The following EPB41L4A variants were observed in gnomAD, a reference collection of about 807,000 sequenced individuals.
EPB41L4A encodes the protein erythrocyte membrane protein band 4.1 like 4A, also known as band 4.1-like protein 4A.
In EPB41L4A, 100 loss-of-function variants were observed where a neutral mutation model predicts 108.6. The ratio of observed to expected loss-of-function variants is 0.92; its 90% confidence interval spans 0.78 to 1.09. The LOEUF is 1.09. Among genes scored for constraint, EPB41L4A ranks in the 50% least tolerant of loss-of-function variants. The pLI, the probability that EPB41L4A is intolerant of heterozygous loss-of-function variation, is 0.00. For synonymous variants in EPB41L4A, 319 were observed against 289.0 expected (o/e 1.10, Z -1.05); for missense variants, 1,030 against 842.7 (o/e 1.22, Z -2.75).
chr5:112,186,316 A>G (rs1561458699), intron 17 of EPB41L4A, among the ~76,000 whole-genome samples: 1 of 152,216 alleles, frequency 6.6e-6, no homozygotes, highest in East Asian at 1.9e-4. Flanking sequence ...AAGGAAGCAC[A>G]GTTACTGTAT....
chr5:112,248,659 C>T (rs552138586), intron 9 of EPB41L4A, among the ~76,000 whole-genome samples: 1 of 152,248 alleles, frequency 6.6e-6, no homozygotes, highest in African/African-American at 2.4e-5. Context: ...CAACCTAACT[C>T]CCTCTGGTCT....
rs182340383 is a variant in EPB41L4A, at chr5:112,374,216, A to G, written c.99+44725T>C. Among the ~76,000 whole-genome samples the G allele has an allele frequency of 1.3e-4, 20 of 152,358 alleles. No homozygotes were observed. In the East Asian group the frequency reaches 3.5e-3, roughly 26 times the overall value. On this transcript the variant is annotated intron_variant, in intron 1 of 22. Transcript: ENST00000261486. ...TATTACAAACCGTAGCCATGAAGAA[A>G]GGAGTTCATCTATGCTGACAGTGAT...
chr5:112,159,371 G>A (rs537124966), downstream of EPB41L4A, among the ~76,000 whole-genome samples: 1 of 152,290 alleles, frequency 6.6e-6, no homozygotes, highest in African/African-American at 2.4e-5. Context: ...GAAACATGGA[G>A]ACCTAGTTGT....
chr5:112,310,100 G>C (rs1172874808), intron 1 of EPB41L4A, among the ~76,000 whole-genome samples: 1 of 152,184 alleles, frequency 6.6e-6, no homozygotes, highest in African/African-American at 2.4e-5. Context: ...GTGGCCTACA[G>C]AACTGTGAAA....
chr5:112,180,657 TAA>T (rs34598344), intron 18 of EPB41L4A, among the ~76,000 whole-genome samples: 8 of 123,412 alleles, frequency 6.5e-5, no homozygotes, highest in African/African-American at 9.2e-5. Context: ...CCCTTAAGAT[TAA>T]AAAAAAAAAA....
intron 17 of EPB41L4A, chr5:112,192,274 TAC>T (rs1224487286): frequency 3.3e-5 from 5 of 152,250 alleles, no homozygotes; most frequent in Non-Finnish European, 5.9e-5. Flanking sequence ...TCTTTCTCTG[TAC>T]AGTTACCTGT....
At chr5:112,362,153 A>G (rs920712008) in intron 1 of EPB41L4A, among the ~76,000 whole-genome samples, 2 of 152,178 alleles carry the variant, frequency 1.3e-5, no homozygotes, top group Non-Finnish European at 2.9e-5. Context: ...GCTGGAGTGC[A>G]GTGGTACAAG....
At chr5:112,360,697 C>T (rs1413162060) in intron 1 of EPB41L4A, among the ~76,000 whole-genome samples, 2 of 152,198 alleles carry the variant, frequency 1.3e-5, no homozygotes. Flanking sequence ...GCTGCCACCC[C>T]GTCTAAGAAG....
rs145639544 is a variant in EPB41L4A at position 112,269,502 on chromosome 5, T to TA, written c.336-3173dup. Among the ~76,000 whole-genome samples the TA allele has an allele frequency of 7.0e-3, 1,070 of 152,286 alleles. 9 individuals carry two copies. Among genetic ancestry groups the TA allele is most frequent in the African/African-American group, 0.025 (1,022 of 41,562 alleles). On this transcript the variant is annotated intron_variant, in intron 4 of 22. Coordinates refer to ENST00000261486, the MANE Select transcript of EPB41L4A (RefSeq NM_022140.5). ...GTATTTTATTTAAATTAGAACAAGT[T>TA]AGAGTTGCTGAGTCTTTCCTTCTGT...
At chr5:112,240,595 G>A (rs1749704511) in intron 10 of EPB41L4A, 124 bp downstream of exon 10, 1 of 587,044 alleles carries the variant, frequency 1.7e-6, no homozygotes, top group Non-Finnish European at 3.0e-6. Flanking sequence ...AGAGAATTAG[G>A]AATTGAGAAA....
chr5:112,266,199 A>G, intron 5 of EPB41L4A, 34 bp downstream of exon 5: 1 of 1,466,902 alleles, frequency 6.8e-7, no homozygotes, highest in Non-Finnish European at 9.3e-7. Flanking sequence ...TTCTCCAGAC[A>G]TTTCTGAGGC....
intron 9 of EPB41L4A, among the ~76,000 whole-genome samples, chr5:112,252,657 T>G (rs985107572): frequency 6.6e-6 from 1 of 151,916 alleles, no homozygotes; most frequent in Non-Finnish European, 1.5e-5. Context: ...TGAATACACA[T>G]GAACATGAAG....
At chr5:112,341,537 A>G (rs1249289898) in intron 1 of EPB41L4A, among the ~76,000 whole-genome samples, 1 of 152,222 alleles carries the variant, frequency 6.6e-6, no homozygotes, top group African/African-American at 2.4e-5. Flanking sequence ...TAACCTCACA[A>G]ATCAGCAAGG....
intron 2 of EPB41L4A, among the ~76,000 whole-genome samples, chr5:112,302,676 A>C (rs1260532082): frequency 6.6e-6 from 1 of 152,188 alleles, no homozygotes; most frequent in East Asian, 1.9e-4. Context: ...GTTTGAACCC[A>C]TACAGTCTGA....
intron 1 of EPB41L4A, among the ~76,000 whole-genome samples, chr5:112,373,331 T>C (rs1440961465): frequency 6.6e-6 from 1 of 152,176 alleles, no homozygotes; most frequent in Non-Finnish European, 1.5e-5. Context: ...ACATGGTTCT[T>C]CTTTTCTCCT....
At chr5:112,215,787 C>CAAAAAAAACA (rs1561483004) in intron 12 of EPB41L4A, among the ~76,000 whole-genome samples, 1 of 128,796 alleles carries the variant, frequency 7.8e-6, no homozygotes, top group Non-Finnish European at 1.7e-5. Flanking sequence ...ACAAAAAAAA[C>CAAAAAAAACA]AAAAAAAAAA....
chr5:112,205,177 T>C (rs576619797), intron 14 of EPB41L4A, among the ~76,000 whole-genome samples: 1 of 152,338 alleles, frequency 6.6e-6, no homozygotes, highest in East Asian at 1.9e-4. Flanking sequence ...GGCAATTTCA[T>C]AATATTTCCT....
chr5:112,318,645 C>G (rs893413025), intron 1 of EPB41L4A, among the ~76,000 whole-genome samples: 4 of 152,130 alleles, frequency 2.6e-5, no homozygotes, highest in African/African-American at 9.7e-5. Flanking sequence ...GCTCACTGTC[C>G]TGACCAACAA....
intron 1 of EPB41L4A, among the ~76,000 whole-genome samples, chr5:112,362,406 G>A (rs761275431): frequency 4.6e-5 from 7 of 150,606 alleles, no homozygotes; most frequent in African/African-American, 9.8e-5. Flanking sequence ...TCAGCCTCCC[G>A]AGTAGCTGGG....
Sources: allele counts gnomAD v4.1 joint callset (sites outside exome capture counted in the v4.1 genomes callset), GRCh38; gene constraint gnomAD v4.1.1; transcripts MANE v1.5; gene names NCBI Gene and HGNC (gene_info 2026-07-23, HGNC 2026-07-21).